TRAF3IP1: variants seen among roughly 807,000 people sequenced by gnomAD.
TRAF3IP1 encodes TRAF3-interacting protein 1.
Under a neutral mutation model 89.9 loss-of-function variants are expected in TRAF3IP1, and 53 were observed. The observed-to-expected ratio is 0.59, with a 90% CI of 0.47 to 0.74. The LOEUF (loss-of-function observed/expected upper bound fraction) is 0.74, where lower values mean the gene tolerates loss of function less well. TRAF3IP1 is among the 30% of genes least tolerant of loss of function. TRAF3IP1 has a pLI of 0.00. For synonymous variants in TRAF3IP1, 311 were observed against 322.1 expected (o/e 0.97, Z 0.37); for missense variants, 806 against 866.1 (o/e 0.93, Z 0.87).
intron 15 of TRAF3IP1, among the ~76,000 whole-genome samples, chr2:238,358,319 T>A (rs1699512107): frequency 6.6e-6 from 1 of 152,138 alleles, no homozygotes; most frequent in African/African-American, 2.4e-5. Flanking sequence ...GGCGGATTGC[T>A]TGAGGCTATG....
At position 238,355,994 on chromosome 2, in the gene TRAF3IP1, T is replaced by G; in HGVS notation, c.1613-10T>G. ...AAACTTTTAACATAAAATCACTGAT[T>G]TTTCAACAGGTGGACTTGTGAAAAA... is the stretch of plus-strand genomic sequence containing the variant. On this transcript the variant is annotated splice_polypyrimidine_tract_variant and intron_variant, in intron 14 of 16. Transcript: ENST00000373327. 6.2e-7 allele frequency: 1 copy of G among 1,610,256 alleles called. No individual in the cohort carries two copies. The highest frequency in any genetic ancestry group is 8.5e-7 in the Non-Finnish European group (1 of 1,176,938).
chr2:238,353,658 C>T (rs1699277094), intron 14 of TRAF3IP1, among the ~76,000 whole-genome samples: 1 of 152,138 alleles, frequency 6.6e-6, no homozygotes, highest in Non-Finnish European at 1.5e-5. Flanking sequence ...AGGCTGAGTA[C>T]TTTCCTTTAT....
At chr2:238,335,766 TTTTATTTA>T (rs141038702) in intron 7 of TRAF3IP1, among the ~76,000 whole-genome samples, 68,831 of 136,686 alleles carry the variant, frequency 0.5, 18,029 homozygotes, top group Middle Eastern at 0.61. Context: ...TTTTATTTTA[TTTTATTTA>T]TTTATTTATT....
Position 238,366,945 on chromosome 2 carries a change from C to G in TRAF3IP1, c.1689+10865C>G, listed in dbSNP as rs535622664. On this transcript the variant is annotated intron_variant, in intron 15 of 16. Transcript: ENST00000373327. Reference sequence around the variant, plus strand: ...TTGGGAGGCCGAGGCGGGCAGATCACGAAGTCGGGAGATTGAGACCATCCT... The same window carrying G: ...TTGGGAGGCCGAGGCGGGCAGATCAGGAAGTCGGGAGATTGAGACCATCCT... Among the ~76,000 whole-genome samples, 4 of 151,774 alleles carry G rather than the reference C, an allele frequency of 2.6e-5. No homozygotes were observed. The East Asian group carries it at 7.7e-4, about 29-fold the overall frequency.
At chr2:238,374,349 G>A (rs775273556) in intron 15 of TRAF3IP1, among the ~76,000 whole-genome samples, 2 of 151,730 alleles carry the variant, frequency 1.3e-5, no homozygotes, top group East Asian at 3.9e-4. Flanking sequence ...AAGGGCTGTC[G>A]AGTTTGGTCG....
intron 11 of TRAF3IP1, 108 bp downstream of exon 11, chr2:238,348,956 T>G (rs1192945247): frequency 2.1e-6 from 2 of 939,510 alleles, no homozygotes; most frequent in Non-Finnish European, 3.4e-6. Context: ...AGCTAACTTA[T>G]GAGGAATTAC....
At chr2:238,358,603 C>A (rs1699527311) in intron 15 of TRAF3IP1, among the ~76,000 whole-genome samples, 1 of 152,214 alleles carries the variant, frequency 6.6e-6, no homozygotes, top group Non-Finnish European at 1.5e-5. Context: ...CGAGGGCAGT[C>A]CCCAGGATGA....
Position 238,320,706 on chromosome 2 carries a change from A to C in TRAF3IP1, c.44A>C (p.Lys15Thr). ...AGGCGGACGCAGGAGGCGCTGGGGAAAGTGATTCGGAGGCCGCCGCTGACC... is the reference window on the plus strand; with the variant it reads ...AGGCGGACGCAGGAGGCGCTGGGGACAGTGATTCGGAGGCCGCCGCTGACC... ...VVRRTQEALG[K>T]VIRRPPLTEK... The change falls in exon 1 of 17, where the codon AAA becomes ACA. Residue 15 changes from lysine to threonine, a missense_variant. By Grantham distance (78) the Lys-to-Thr change is moderately conservative. Around this residue, in one of 3 missense-constraint regions of TRAF3IP1, gnomAD observed 732 missense variants for 780.5 expected, o/e 0.94. Coordinates refer to ENST00000373327, the MANE Select transcript of TRAF3IP1 (RefSeq NM_015650.4). 1 of 1,438,670 alleles carries C rather than the reference A, an allele frequency of 7.0e-7. No individual in the cohort carries two copies. The highest frequency in any genetic ancestry group is 3.2e-5 in the East Asian group (1 of 31,336). 89.1% of individuals were successfully genotyped at this position (1,438,670 alleles called of 1,614,324 possible). A position where few individuals can be genotyped will look rare whatever the true frequency, so the allele number is the denominator to read the frequency against.
At position 238,383,679 on chromosome 2, in the gene TRAF3IP1, C is replaced by G. The variant is rs115413172; in HGVS notation, c.1690-13780C>G. Among the ~76,000 whole-genome samples the G allele has an allele frequency of 5.8e-3, 883 of 152,316 alleles. 3 individuals are homozygous for G. Among genetic ancestry groups the G allele is most frequent in the African/African-American group, 0.02 (848 of 41,556 alleles). On this transcript the variant is annotated intron_variant, in intron 15 of 16. Coordinates refer to ENST00000373327, the MANE Select transcript of TRAF3IP1 (RefSeq NM_015650.4). The stretch of plus-strand genomic sequence containing the variant: ...TTGTCAACATCTTTCTGTCCCATAC[C>G]TGAATGTGTTCATTTCCTCATTCTA...
At chr2:238,324,068 TTTTC>T (rs1324145874) in intron 1 of TRAF3IP1, among the ~76,000 whole-genome samples, 1 of 152,148 alleles carries the variant, frequency 6.6e-6, no homozygotes, top group Admixed American at 6.5e-5. Context: ...ATTCCTTTTC[TTTTC>T]TTTCTTTTTT....
At chr2:238,360,097 G>A (rs1574938992) in intron 15 of TRAF3IP1, among the ~76,000 whole-genome samples, 1 of 152,118 alleles carries the variant, frequency 6.6e-6, no homozygotes, top group African/African-American at 2.4e-5. Flanking sequence ...CTGGACAGAG[G>A]GATGATTTAT....
chr2:238,365,635 G>T (rs1331789174), intron 15 of TRAF3IP1, among the ~76,000 whole-genome samples: 1 of 151,858 alleles, frequency 6.6e-6, no homozygotes, highest in East Asian at 1.9e-4. Context: ...TCCAGACTGG[G>T]TGATAGTGTG....
At chr2:238,384,539 ATTTTTTTT>A (rs35203636) in intron 15 of TRAF3IP1, among the ~76,000 whole-genome samples, 7 of 119,906 alleles carry the variant, frequency 5.8e-5, no homozygotes, top group Admixed American at 1.8e-4. Context: ...CGCCTGGCTA[ATTTTTTTT>A]TTTTTTTTTT....
chr2:238,392,170 C>T (rs970373706), intron 15 of TRAF3IP1, among the ~76,000 whole-genome samples: 1 of 152,038 alleles, frequency 6.6e-6, no homozygotes. Flanking sequence ...CAGGAGTTTG[C>T]GTTCAGCCTG....
intron 15 of TRAF3IP1, among the ~76,000 whole-genome samples, chr2:238,368,928 C>T (rs1466057039): frequency 1.3e-5 from 2 of 152,212 alleles, no homozygotes; most frequent in Admixed American, 6.5e-5. Flanking sequence ...CCGCCTCGGC[C>T]TCCCAAAGTG....
At chr2:238,352,794 A>C in intron 12 of TRAF3IP1, 33 bp from the exon 13 acceptor site, 1 of 1,583,966 alleles carries the variant, frequency 6.3e-7, no homozygotes, top group Non-Finnish European at 8.6e-7. Flanking sequence ...GAAAATGTGT[A>C]ATTCTAATTT....
intron 7 of TRAF3IP1, 78 bp downstream of exon 7, chr2:238,334,113 T>G: frequency 4.5e-6 from 5 of 1,111,062 alleles, no homozygotes; most frequent in Non-Finnish European, 6.5e-6. Context: ...CAATGTCTAG[T>G]AGGAAAGAAC....
chr2:238,329,397 C>G (rs1434165558), intron 5 of TRAF3IP1, 55 bp downstream of exon 5: 1 of 1,314,942 alleles, frequency 7.6e-7, no homozygotes, highest in East Asian at 2.8e-5. Context: ...GTGGTGGTCT[C>G]AAACATGATT....
chr2:238,370,619 A>G (rs1700071455), intron 15 of TRAF3IP1, among the ~76,000 whole-genome samples: 1 of 152,026 alleles, frequency 6.6e-6, no homozygotes, highest in African/African-American at 2.4e-5. Context: ...TGCCCACTTC[A>G]TGGCTTCAGG....
Sources: gnomAD v4.1 joint callset for allele counts (sites outside exome capture counted in the v4.1 genomes callset) on GRCh38, gnomAD v4.1.1 for gene constraint, gnomAD v4.1.1 regional missense constraint, MANE v1.5 for transcripts, NCBI Gene and HGNC (gene_info 2026-07-23, HGNC 2026-07-21) for gene names.